Variants in SARDH observed in about 807,000 individuals in gnomAD.
SARDH encodes sarcosine dehydrogenase, mitochondrial.
SARDH carries 95 observed loss-of-function variants against 109.1 expected under a neutral mutation model. The observed-to-expected ratio is 0.87, with a 90% confidence interval of 0.74 to 1.03. SARDH has a LOEUF of 1.03. Among genes scored for constraint, SARDH ranks in the 50% least tolerant of loss-of-function variants. The pLI, the probability that SARDH is intolerant of heterozygous loss-of-function variation, is 0.00. For synonymous variants in SARDH, 572 were observed against 534.8 expected, an observed-to-expected ratio of 1.07 and a Z score of -0.96; for missense variants, 1,267 against 1,287.8, an observed-to-expected ratio of 0.98 and a Z score of 0.25.
rs547588474 is a variant in SARDH, at chr9:133,726,368, A to AAATAAT, written c.915+3391_915+3396dup. 3.2e-3 allele frequency among the ~76,000 whole-genome samples: 363 copies of AAATAAT among 114,138 alleles called. 2 individuals carry two copies. The highest frequency in any genetic ancestry group is 6.8e-3 in the Admixed American group (73 of 10,716). 74.9% of individuals were successfully genotyped at this position (114,138 alleles called of 152,430 possible). On this transcript the variant is annotated intron_variant, in intron 6 of 20. Coordinates refer to ENST00000439388, the MANE Select transcript of SARDH (RefSeq NM_001134707.2). ...GGGAAACAGAGTGAGACCCTGTCTCAAATAATAATAATAATAATAATAATA... is the reference window on the plus strand; with the variant it reads ...GGGAAACAGAGTGAGACCCTGTCTCAAATAATAATAATAATAATAATAATAATAATA...
At chr9:133,738,860 G>C (rs1832970541), upstream of SARDH, among the ~76,000 whole-genome samples, 2 of 152,290 alleles carry the variant, frequency 1.3e-5, no homozygotes, top group East Asian at 1.9e-4. Context: ...CCAGGGACAG[G>C]GTCTCCTGGT....
chr9:133,701,584 C>A (rs527552684), intron 13 of SARDH, among the ~76,000 whole-genome samples: 1 of 152,220 alleles, frequency 6.6e-6, no homozygotes, highest in Non-Finnish European at 1.5e-5. Flanking sequence ...GCATCTCCCC[C>A]GAGCTCCCAC....
intron 16 of SARDH, 60 bp from the exon 17 acceptor site, chr9:133,685,346 A>C: frequency 6.9e-7 from 1 of 1,450,006 alleles, no homozygotes; most frequent in South Asian, 1.2e-5. Flanking sequence ...CCTGGGCAGG[A>C]AAGGCCCCGG....
chr9:133,662,590 C>G (rs1829917284), downstream of SARDH, among the ~76,000 whole-genome samples: 1 of 152,240 alleles, frequency 6.6e-6, no homozygotes, highest in Non-Finnish European at 1.5e-5. The surrounding 1 kb of genome is among the most constrained non-coding windows in gnomAD (Gnocchi z 5.1). Flanking sequence ...ACCCACTTTT[C>G]ACAGCCATCT....
intron 10 of SARDH, among the ~76,000 whole-genome samples, chr9:133,710,961 G>GCTC (rs1266617848): frequency 7.9e-5 from 12 of 152,320 alleles, no homozygotes; most frequent in South Asian, 6.2e-4. Context: ...CAGGGTGGGT[G>GCTC]CTCCTCCTCC....
At chr9:133,674,282 T>A (rs1830445511) in intron 17 of SARDH, among the ~76,000 whole-genome samples, 1 of 151,950 alleles carries the variant, frequency 6.6e-6, no homozygotes, top group Non-Finnish European at 1.5e-5. Context: ...CCCATGGGGG[T>A]CGGCCCACTT....
chr9:133,738,339 C>T lies in SARDH; in HGVS notation c.-116G>A, dbSNP rs1832951635. ...ACCTTCTTGCTTCCCAAGCAGTGGC[C>T]TGGCCGGAACTCCAGGCCTCCCCCG... On this transcript the variant is annotated 5_prime_UTR_variant, in exon 1 of 21. Transcript: ENST00000439388. 1 of 152,266 alleles carries T rather than the reference C, an allele frequency of 6.6e-6. No homozygotes were observed. Among genetic ancestry groups the T allele is most frequent in the Admixed American group, 6.5e-5 (1 of 15,280 alleles). 9.4% of individuals were successfully genotyped at this position (152,266 alleles called of 1,614,324 possible).
At chr9:133,670,187 G>C (rs1830288186) in intron 19 of SARDH, among the ~76,000 whole-genome samples, 1 of 152,126 alleles carries the variant, frequency 6.6e-6, no homozygotes, top group Admixed American at 6.5e-5. Context: ...AAATTAGCTG[G>C]GTGTGGTAGT....
chr9:133,699,129 C>G (rs1281862117), intron 13 of SARDH, among the ~76,000 whole-genome samples: 2 of 152,000 alleles, frequency 1.3e-5, no homozygotes, highest in East Asian at 3.9e-4. Context: ...GGTGGATCAC[C>G]TGAGGTCAGG....
chr9:133,733,922 G>A lies in SARDH; in HGVS notation c.252C>T (p.His84=), dbSNP rs768146537. 5 of 1,576,442 alleles carry A rather than the reference G, an allele frequency of 3.2e-6. No homozygotes were observed. The highest frequency in any genetic ancestry group is 2.3e-5 in the South Asian group (2 of 85,436). ...GGSLGCQTLY[H]LAKLGMSGAV... ...CCCCACTCATGCCCAGCTTGGCCAGGTGGTACAGGGTCTGGCAGCCCAAGC... is the reference window on the plus strand; with the variant it reads ...CCCCACTCATGCCCAGCTTGGCCAGATGGTACAGGGTCTGGCAGCCCAAGC... Residue 84 remains histidine, a synonymous_variant, in exon 2 of 21, where the codon CAC becomes CAT. Transcript: ENST00000439388.
At position 133,669,886 on chromosome 9, in the gene SARDH, C is replaced by T. The variant is rs566361537; in HGVS notation, c.2495+698G>A. Among the ~76,000 whole-genome samples the T allele has an allele frequency of 1.7e-4, 26 of 152,346 alleles. No individual in the cohort carries two copies. The South Asian group carries it at 5.0e-3, about 29-fold the overall frequency. The stretch of plus-strand genomic sequence containing the variant: ...CCTGGGTTCACCCTCCCAAGGCCCT[C>T]GGCCTAGACCTGCCACAGAGGGGTG... On this transcript the variant is annotated intron_variant, in intron 19 of 20. Transcript: ENST00000439388.
intron 17 of SARDH, among the ~76,000 whole-genome samples, chr9:133,679,589 G>A (rs562597413): frequency 1.2e-4 from 19 of 152,326 alleles, no homozygotes; most frequent in Non-Finnish European, 2.4e-4. Flanking sequence ...GAGACACGCC[G>A]GGAGAGCACT....
intron 13 of SARDH, among the ~76,000 whole-genome samples, chr9:133,696,898 A>G (rs1209348716): frequency 6.6e-6 from 1 of 152,158 alleles, no homozygotes. Context: ...CAATAGCCCA[A>G]TCTTCCACTT....
intron 6 of SARDH, among the ~76,000 whole-genome samples, chr9:133,724,721 A>ATT (rs35211200): frequency 5.2e-4 from 78 of 150,778 alleles, no homozygotes; most frequent in South Asian, 1.9e-3. Context: ...CACATTTTTA[A>ATT]TTTTTTTTTT....
intron 6 of SARDH, chr9:133,725,778 A>G (rs920006012): frequency 2.7e-5 from 6 of 219,090 alleles, no homozygotes; most frequent in South Asian, 5.5e-5. Flanking sequence ...GCCAAACCAA[A>G]CAAGACCGTT....
intron 3 of SARDH, 25 bp from the exon 4 acceptor site, chr9:133,731,509 C>T (rs759584034): frequency 1.2e-6 from 2 of 1,611,896 alleles, no homozygotes; most frequent in Admixed American, 1.7e-5. Context: ...GGGAGGTTAA[C>T]TGAGTCCGTG....
At chr9:133,717,520 A>C in intron 7 of SARDH, 65 bp from the exon 8 acceptor site, 1 of 1,595,674 alleles carries the variant, frequency 6.3e-7, no homozygotes, top group Non-Finnish European at 8.5e-7. Context: ...CCCATGCCAA[A>C]CCTGCCTTGT....
chr9:133,707,628 C>T (rs4979631), intron 11 of SARDH, among the ~76,000 whole-genome samples: 50,562 of 152,084 alleles, frequency 0.33, 8,534 homozygotes, highest in East Asian at 0.47. Flanking sequence ...ATCCCCCGAG[C>T]ACCTCAATGC....
At position 133,666,553 on chromosome 9, in the gene SARDH, C is replaced by T. The variant is rs949196074; in HGVS notation, c.2631+182G>A. On this transcript the variant is annotated intron_variant, in intron 20 of 20. Coordinates refer to ENST00000439388, the MANE Select transcript of SARDH (RefSeq NM_001134707.2). The surrounding 1 kb of genome is among the most constrained non-coding windows in gnomAD (Gnocchi z 5.2). ...TCTCTCCCCTTTTTCCTTCCCCCTC[C>T]TTCTCCTCCTTCCTTCCTCCCCCTC... Among the ~76,000 whole-genome samples the T allele has an allele frequency of 6.6e-6, 1 of 151,240 alleles. No homozygotes were observed. The highest frequency in any genetic ancestry group is 1.5e-5 in the Non-Finnish European group (1 of 67,738).
Sources: allele counts gnomAD v4.1 joint callset (sites outside exome capture counted in the v4.1 genomes callset), GRCh38; gene constraint gnomAD v4.1.1; non-coding constraint Gnocchi (gnomAD v3.1); transcripts MANE v1.5; gene names NCBI Gene and HGNC (gene_info 2026-07-23, HGNC 2026-07-21).